ERG28: variants seen among roughly 807,000 people sequenced by gnomAD.
The protein encoded by ERG28 is ergosterol biosynthetic protein 28 homolog.
A neutral mutation model predicts 15.7 loss-of-function variants in ERG28; 9 were observed. The ratio of observed to expected loss-of-function variants is 0.57; its 90% confidence interval spans 0.35 to 1.00. The LOEUF is 1.00. Ranked by LOEUF, ERG28 falls within the 50% of genes least tolerant of loss-of-function variation. The pLI, the probability that ERG28 is intolerant of heterozygous loss-of-function variation, is 0.02. For synonymous variants in ERG28, 61 were observed against 68.4 expected (o/e 0.89, Z 0.53); for missense variants, 117 against 173.3 (o/e 0.68, Z 1.82).
chr14:75,652,817 C>CTTTT lies in ERG28; in HGVS notation c.225-932_225-929dup, dbSNP rs59570063. On this transcript the variant is annotated intron_variant, in intron 3 of 4. Transcript: ENST00000256319. ...ATCTCTCCTGTGCATATTTTTACAC[C>CTTTT]TTTTTTTTTTTTTTTTTTTTTTTTG... Among the ~76,000 whole-genome samples the CTTTT allele has an allele frequency of 3.3e-3, 320 of 96,230 alleles. 4 individuals carry two copies. Among genetic ancestry groups the CTTTT allele is most frequent in the African/African-American group, 0.013 (250 of 19,922 alleles). 63.1% of individuals were successfully genotyped at this position (96,230 alleles called of 152,430 possible). A position where few individuals can be genotyped will look rare whatever the true frequency, so the allele number is the denominator to read the frequency against.
intron 3 of ERG28, 68 bp downstream of exon 3, chr14:75,654,818 G>A: frequency 1.4e-6 from 2 of 1,459,436 alleles, no homozygotes; most frequent in Non-Finnish European, 1.9e-6. Context: ...CATTACTCAA[G>A]GTAACAGGTA....
Position 75,650,674 on chromosome 14 carries a change from G to T in ERG28, c.*881C>A, listed in dbSNP as rs1404391848. 1 of 151,992 alleles carries T rather than the reference G, an allele frequency of 6.6e-6. No homozygotes were observed. The allele number at this position is 151,992 out of a possible 1,614,324, so 9.4% of individuals were successfully genotyped here. Reference sequence around the variant, plus strand: ...GGGCACTTAGTGTTTAGTTGTGAACGCAGACTCTTGAAGGTGAGAAAAAAG... The same window carrying T: ...GGGCACTTAGTGTTTAGTTGTGAACTCAGACTCTTGAAGGTGAGAAAAAAG... On this transcript the variant is annotated 3_prime_UTR_variant, in exon 5 of 5. Coordinates refer to ENST00000256319, the MANE Select transcript of ERG28 (RefSeq NM_007176.4).
At chr14:75,654,154 A>G (rs916228914) in intron 3 of ERG28, among the ~76,000 whole-genome samples, 1 of 152,246 alleles carries the variant, frequency 6.6e-6, no homozygotes, top group African/African-American at 2.4e-5. Context: ...GAGGGGCTCA[A>G]TAAATATTAT....
chr14:75,657,370 C>T lies in ERG28; in HGVS notation c.133G>A (p.Val45Met). Reference protein sequence around the residue: ...EKLYTGKPNLVNGLQARTFGI... With the variant: ...EKLYTGKPNLMNGLQARTFGI... ...ATGCAGAAATTCTTTGATTTCTTAC[C>T]AAGGTTTGGCTTGCCAGTGTAGAGC... Residue 45 changes from valine to methionine, a missense_variant and splice_region_variant, in exon 2 of 5, where the codon GTG becomes ATG. By Grantham distance (21) the Val-to-Met change is conservative. Coordinates refer to ENST00000256319, the MANE Select transcript of ERG28 (RefSeq NM_007176.4). The T allele has an allele frequency of 3.1e-6, 5 of 1,613,882 alleles. No homozygotes were observed. The highest frequency in any genetic ancestry group is 4.2e-6 in the Non-Finnish European group (5 of 1,179,888).
intron 3 of ERG28, among the ~76,000 whole-genome samples, chr14:75,653,741 T>C (rs1402931884): frequency 6.6e-6 from 1 of 152,126 alleles, no homozygotes; most frequent in Admixed American, 6.5e-5. Flanking sequence ...TGTTCAATCC[T>C]CCCTTCCTCT....
intron 3 of ERG28, among the ~76,000 whole-genome samples, chr14:75,654,384 G>C (rs1451365435): frequency 6.6e-6 from 1 of 152,178 alleles, no homozygotes; most frequent in Non-Finnish European, 1.5e-5. Flanking sequence ...TGGTCTGTTT[G>C]AGTACCCAAG....
chr14:75,654,996 AAG>A lies in ERG28; in HGVS notation c.134-22_134-21del, dbSNP rs2140064236. 1.2e-6 allele frequency: 2 copies of A among 1,600,870 alleles called. No homozygotes were observed. Among genetic ancestry groups the A allele is most frequent in the East Asian group, 4.5e-5 (2 of 44,804 alleles). ...CATTCACTGTGTAGCAGAAAAAAGCAAGAGTGTTCAGAAGGGGAGACTTGAGG... is the reference window on the plus strand; with the variant it reads ...CATTCACTGTGTAGCAGAAAAAAGCAAGTGTTCAGAAGGGGAGACTTGAGG... On this transcript the variant is annotated intron_variant, in intron 2 of 4. Transcript: ENST00000256319.
chr14:75,651,990 A>C, intron 3 of ERG28, 101 bp from the exon 4 acceptor site: 9 of 1,023,234 alleles, frequency 8.8e-6, no homozygotes, highest in Non-Finnish European at 1.2e-5. Flanking sequence ...CCAGGATGTC[A>C]TTAAGACTTA....
chr14:75,656,910 C>G (rs1417869698), intron 2 of ERG28, among the ~76,000 whole-genome samples: 1 of 152,080 alleles, frequency 6.6e-6, no homozygotes, highest in South Asian at 2.1e-4. Flanking sequence ...ATCATGTAAA[C>G]CTGATTCTGA....
intron 1 of ERG28, among the ~76,000 whole-genome samples, chr14:75,657,819 G>A (rs1339019599): frequency 6.6e-6 from 1 of 152,066 alleles, no homozygotes; most frequent in Non-Finnish European, 1.5e-5. Flanking sequence ...AATGCAAATA[G>A]CTCAAAGGCG....
rs1890506941 is a variant in ERG28, at chr14:75,650,328, C to G, written c.*1227G>C. On this transcript the variant is annotated 3_prime_UTR_variant, in exon 5 of 5. Coordinates refer to ENST00000256319, the MANE Select transcript of ERG28 (RefSeq NM_007176.4). ...TGGCTTGTTGATTCTGTTACCTTGA[C>G]TATAATATAAGGCCCACAGGGCAGG... The G allele has an allele frequency of 6.6e-6, 1 of 152,236 alleles. No homozygotes were observed. Among genetic ancestry groups the G allele is most frequent in the South Asian group, 2.1e-4 (1 of 4,830 alleles). The allele number at this position is 152,236 out of a possible 1,614,324, so 9.4% of individuals were successfully genotyped here. A position where few individuals can be genotyped will look rare whatever the true frequency, so the allele number is the denominator to read the frequency against.
intron 1 of ERG28, 112 bp from the exon 2 acceptor site, chr14:75,657,645 T>C (rs1890615767): frequency 1.1e-6 from 1 of 903,116 alleles, no homozygotes; most frequent in East Asian, 2.6e-5. Flanking sequence ...GTCACACTAA[T>C]AGTGGTGAAT....
At position 75,657,508 on chromosome 14, in the gene ERG28, C is replaced by T. The variant is rs1890614116; in HGVS notation, c.-6G>A. 2 of 1,613,736 alleles carry T rather than the reference C, an allele frequency of 1.2e-6. No individual in the cohort carries two copies. The highest frequency in any genetic ancestry group is 8.5e-7 in the Non-Finnish European group (1 of 1,179,850). ...ACATTCAGGAAACGGCTCATGACTC[C>T]CCTCAAACGTGGGAGGGCTTTTTGC... On this transcript the variant is annotated 5_prime_UTR_variant, in exon 2 of 5. Coordinates refer to ENST00000256319, the MANE Select transcript of ERG28 (RefSeq NM_007176.4).
chr14:75,659,102 A>G (rs558796865), intron 1 of ERG28, among the ~76,000 whole-genome samples: 2 of 152,298 alleles, frequency 1.3e-5, no homozygotes, highest in African/African-American at 4.8e-5. Flanking sequence ...AGCAGGCACT[A>G]TTAATATTTC....
At chr14:75,651,704 C>CT (rs1358415360) in intron 4 of ERG28, 67 bp downstream of exon 4, 6 of 1,591,426 alleles carry the variant, frequency 3.8e-6, no homozygotes, top group Non-Finnish European at 5.2e-6. Flanking sequence ...CTCCTGTGTC[C>CT]ACCCTCTGTA....
chr14:75,652,729 A>T (rs1890543024), intron 3 of ERG28, among the ~76,000 whole-genome samples: 1 of 150,716 alleles, frequency 6.6e-6, no homozygotes, highest in East Asian at 1.9e-4. Context: ...GTGTATACTT[A>T]TCCTGCTCTA....
rs369318513 is a variant in ERG28, at chr14:75,651,579, T to A, written c.399A>T (p.Val133=). 5.6e-6 allele frequency: 9 copies of A among 1,613,246 alleles called. No homozygotes were observed. In the African/African-American group the frequency reaches 8.0e-5, roughly 14 times the overall value. ...VGLRYLEVEP[V]SRQKKRN ...CTCAGTTTCTCTTCTTCTGTCTGGA[T>A]ACTGGTTCTACTTCTAGATACCGGA... Residue 133 remains valine, a synonymous_variant, in exon 5 of 5, where the codon GTA becomes GTT. Coordinates refer to ENST00000256319, the MANE Select transcript of ERG28 (RefSeq NM_007176.4).
At chr14:75,659,286 T>C (rs760864717) in intron 1 of ERG28, among the ~76,000 whole-genome samples, 4 of 152,236 alleles carry the variant, frequency 2.6e-5, no homozygotes, top group African/African-American at 7.2e-5. Context: ...AAGCATACCA[T>C]ATCCACTTTT....
chr14:75,658,420 T>C (rs1393001988), intron 1 of ERG28, among the ~76,000 whole-genome samples: 5 of 152,168 alleles, frequency 3.3e-5, no homozygotes, highest in Non-Finnish European at 7.4e-5. Flanking sequence ...CAATTGCAGC[T>C]CATCCAGCTC....
Sources: gnomAD v4.1 joint callset for allele counts (sites outside exome capture counted in the v4.1 genomes callset) on GRCh38, gnomAD v4.1.1 for gene constraint, MANE v1.5 for transcripts, NCBI Gene and HGNC (gene_info 2026-07-23, HGNC 2026-07-21) for gene names.